PTPRF: variants seen among roughly 807,000 people sequenced by gnomAD.
The protein encoded by PTPRF is protein tyrosine phosphatase receptor type F, also known as receptor-type tyrosine-protein phosphatase F.
PTPRF carries 59 observed loss-of-function variants against 201.8 expected under a neutral mutation model. The observed-to-expected ratio is 0.29, with a 90% CI of 0.24 to 0.36. The LOEUF (loss-of-function observed/expected upper bound fraction) is 0.36. Among genes scored for constraint, PTPRF ranks in the 10% least tolerant of loss-of-function variants. The pLI is 1.00. For missense variants in PTPRF, 2,132 were observed against 2,690.5 expected, an observed-to-expected ratio of 0.79 and a Z score of 4.59; for synonymous variants, 1,088 against 1,089.7, an observed-to-expected ratio of 1.00 and a Z score of 0.03.
chr1:43,564,531 A>T (rs1395214968), intron 5 of PTPRF, among the ~76,000 whole-genome samples: 1 of 151,904 alleles, frequency 6.6e-6, no homozygotes, highest in Non-Finnish European at 1.5e-5. Flanking sequence ...GGTGCTAGTC[A>T]CTGCAGGTGC....
At chr1:43,597,050 T>G (rs1267212230) in intron 11 of PTPRF, among the ~76,000 whole-genome samples, 2 of 151,920 alleles carry the variant, frequency 1.3e-5, no homozygotes, top group Non-Finnish European at 2.9e-5. Context: ...AGACAGCCTA[T>G]GTATGTGACA....
chr1:43,620,900 C>G lies in PTPRF; in HGVS notation c.5427C>G (p.Pro1809=). The G allele has an allele frequency of 6.2e-7, 1 of 1,614,204 alleles. No homozygotes were observed. The highest frequency in any genetic ancestry group is 1.7e-4 in the Middle Eastern group (1 of 6,060). ...QFTDWPEQGV[P]KTGEGFIDFI... ...CAGACTGGCCAGAGCAGGGCGTGCCCAAGACAGGCGAGGGATTCATTGACT... is the reference window on the plus strand; with the variant it reads ...CAGACTGGCCAGAGCAGGGCGTGCCGAAGACAGGCGAGGGATTCATTGACT... Residue 1809 remains proline (P), a synonymous_variant, in exon 32 of 34, where the codon CCC becomes CCG. Transcript: ENST00000359947.
intron 7 of PTPRF, among the ~76,000 whole-genome samples, chr1:43,587,204 G>A (rs1649380668): frequency 6.6e-6 from 1 of 152,206 alleles, no homozygotes; most frequent in South Asian, 2.1e-4. Context: ...GCAGGAGCTT[G>A]TTAAACAGGG....
At chr1:43,539,388 T>C (rs1644222780) in intron 2 of PTPRF, among the ~76,000 whole-genome samples, 1 of 152,126 alleles carries the variant, frequency 6.6e-6, no homozygotes, top group African/African-American at 2.4e-5. Context: ...GGTTGGGCCA[T>C]CCTGAGCCAA....
In PTPRF at chr1:43,597,741, T is replaced by TTCCC; in HGVS notation, c.1814-7_1814-6insTCCC. 1.5e-5 allele frequency: 23 copies of TTCCC among 1,517,936 alleles called. No individual in the cohort carries two copies. The highest frequency in any genetic ancestry group is 3.6e-5 in the South Asian group (3 of 83,652). The allele number at this position is 1,517,936 out of a possible 1,614,324, so 94.0% of individuals were successfully genotyped here. On this transcript the variant is annotated splice_polypyrimidine_tract_variant and splice_region_variant and intron_variant, in intron 11 of 33. Transcript: ENST00000359947. ...CTGCTTGCTTCCCCCCCATTTGTCT[T>TTCCC]CCCCAGCCCCCTCCGCCCCTCCCCA... is the stretch of plus-strand genomic sequence containing the variant.
At chr1:43,578,644 C>A (rs1230853337) in intron 6 of PTPRF, among the ~76,000 whole-genome samples, 166 bp from the exon 7 acceptor site, 2 of 152,198 alleles carry the variant, frequency 1.3e-5, no homozygotes, top group East Asian at 3.9e-4. Context: ...GGCCACTGGG[C>A]TCTTCAGGGA....
rs1644577575 is a variant in PTPRF, at chr1:43,545,086, A to T, written c.11A>T (p.Glu4Val). ...GAGCTAGAGCCCTGGATGGCCCCTGAGCCAGCCCCAGGGAGGACGATGGTG... is the reference window on the plus strand; with the variant it reads ...GAGCTAGAGCCCTGGATGGCCCCTGTGCCAGCCCCAGGGAGGACGATGGTG... MAP[E>V]PAPGRTMVPL... Residue 4 changes from glutamate to valine, a missense_variant, in exon 3 of 34, where the codon GAG becomes GTG. Physicochemically the swap from Glu to Val is moderately radical, Grantham distance 121. This residue lies in a region of PTPRF where 297 missense variants were observed against 454.0 expected (regional missense o/e 0.65). Transcript: ENST00000359947. The T allele has an allele frequency of 1.2e-5, 19 of 1,579,686 alleles. No homozygotes were observed. Among genetic ancestry groups the T allele is most frequent in the Non-Finnish European group, 1.6e-5 (19 of 1,162,410 alleles).
chr1:43,618,929 G>A (rs1396573818), intron 26 of PTPRF, 119 bp from the exon 27 acceptor site: 4 of 1,464,402 alleles, frequency 2.7e-6, no homozygotes, highest in Non-Finnish European at 3.7e-6. Context: ...AGGCTACTCT[G>A]TGTGGCTTCT....
At position 43,617,557 on chromosome 1, in the gene PTPRF, C is replaced by T. The variant is rs761375386; in HGVS notation, c.4184C>T (p.Thr1395Ile). The T allele has an allele frequency of 2.2e-5, 36 of 1,613,902 alleles. No individual in the cohort carries two copies. The highest frequency in any genetic ancestry group is 2.7e-5 in the African/African-American group (2 of 74,918). Reference sequence around the variant, plus strand: ...TACGACCACTCTCGAGTCATCCTTACCTCTATCGATGGTGAGCCAAGGGGG... The same window carrying T: ...TACGACCACTCTCGAGTCATCCTTATCTCTATCGATGGTGAGCCAAGGGGG... ...IAYDHSRVIL[T>I]SIDGVPGSDY... Residue 1395 changes from threonine (T) to isoleucine (I), a missense_variant, in exon 24 of 34, where the codon ACC becomes ATC. This residue lies in a region of PTPRF where 818 missense variants were observed against 915.3 expected (regional missense o/e 0.89). Coordinates refer to ENST00000359947, the MANE Select transcript of PTPRF (RefSeq NM_002840.5).
In PTPRF at chr1:43,553,661, C is replaced by A. The variant is rs1386387258; in HGVS notation, c.237+24C>A. 6.2e-7 allele frequency: 1 copy of A among 1,613,362 alleles called. No individual in the cohort carries two copies. On this transcript the variant is annotated intron_variant, in intron 4 of 33. Transcript: ENST00000359947. The surrounding 1 kb of genome is among the most constrained non-coding windows in gnomAD (Gnocchi z 4.1). Reference sequence around the variant, plus strand: ...AGGTGCGTCTGTGGTGGGAAGGGGTCGGCAGGGCTCAGGGTCTGCCCACAC... The same window carrying A: ...AGGTGCGTCTGTGGTGGGAAGGGGTAGGCAGGGCTCAGGGTCTGCCCACAC...
At chr1:43,597,640 C>T (rs1459135353) in intron 11 of PTPRF, 108 bp from the exon 12 acceptor site, 1 of 867,140 alleles carries the variant, frequency 1.2e-6, no homozygotes, top group Non-Finnish European at 1.8e-6. Flanking sequence ...ATTTCAGCAC[C>T]TAAGGGGTAG....
intron 1 of PTPRF, among the ~76,000 whole-genome samples, chr1:43,533,991 G>C (rs1643865401): frequency 6.6e-6 from 1 of 152,148 alleles, no homozygotes; most frequent in Non-Finnish European, 1.5e-5. Flanking sequence ...TCTGAGTTGG[G>C]TTAGAACATT....
chr1:43,622,024 G>T lies in PTPRF; in HGVS notation c.*21G>T, dbSNP rs369952718. The T allele has an allele frequency of 1.9e-6, 3 of 1,611,648 alleles. No homozygotes were observed. In the South Asian group the frequency reaches 3.3e-5, roughly 18 times the overall value. ...CGTAACTACCGCTCCCCTCTCCTCC[G>T]CCACCCCCGCCGTGGGGCTCCGGAG... On this transcript the variant is annotated 3_prime_UTR_variant, in exon 34 of 34. Coordinates refer to ENST00000359947, the MANE Select transcript of PTPRF (RefSeq NM_002840.5).
At chr1:43,531,267 C>T (rs559570926) in intron 1 of PTPRF, among the ~76,000 whole-genome samples, 177 bp downstream of exon 1, 4 of 149,780 alleles carry the variant, frequency 2.7e-5, no homozygotes, top group Admixed American at 2.6e-4. Context: ...CGAAGCCCCC[C>T]CTCCACGCCC....
At position 43,612,602 on chromosome 1, in the gene PTPRF, C is replaced by T. The variant is rs542702618; in HGVS notation, c.3974-1016C>T. On this transcript the variant is annotated intron_variant, in intron 22 of 33. Transcript: ENST00000359947. Reference sequence around the variant, plus strand: ...AGAAGGAGCCTTGACGGAACTTGTCCGCAGCCCCAGCCCCTCACCGCCCCC... The same window carrying T: ...AGAAGGAGCCTTGACGGAACTTGTCTGCAGCCCCAGCCCCTCACCGCCCCC... 2.9e-3 allele frequency among the ~76,000 whole-genome samples: 442 copies of T among 152,204 alleles called. 2 individuals carry two copies. The highest frequency in any genetic ancestry group is 8.8e-3 in the African/African-American group (366 of 41,516).
At chr1:43,552,271 G>A (rs955733917) in intron 3 of PTPRF, among the ~76,000 whole-genome samples, 1 of 152,008 alleles carries the variant, frequency 6.6e-6, no homozygotes, top group East Asian at 1.9e-4. Flanking sequence ...CACTGACTCT[G>A]TTCTTGTCAA....
chr1:43,606,983 C>T lies in PTPRF; in HGVS notation c.3857+15C>T, dbSNP rs1426606810. On this transcript the variant is annotated intron_variant, in intron 21 of 33. Transcript: ENST00000359947. ...TTGTTCAAAAGGTGAGCACTGCCCT[C>T]AGAGCTCCGGGAACGGCCACCTGCC... 6.2e-6 allele frequency: 10 copies of T among 1,612,186 alleles called. No individual in the cohort carries two copies. The highest frequency in any genetic ancestry group is 1.3e-5 in the African/African-American group (1 of 74,922).
chr1:43,609,795 A>G (rs1194031880), intron 22 of PTPRF, among the ~76,000 whole-genome samples: 2 of 152,214 alleles, frequency 1.3e-5, no homozygotes, highest in Non-Finnish European at 2.9e-5. Context: ...AGGACCTCCC[A>G]GAGCCCACGT....
chr1:43,584,486 C>T (rs1487436077), intron 7 of PTPRF, among the ~76,000 whole-genome samples: 3 of 152,224 alleles, frequency 2.0e-5, no homozygotes, highest in African/African-American at 7.2e-5. Flanking sequence ...AGAGACAGCC[C>T]AGCCCAGAGT....
Sources: allele counts gnomAD v4.1 joint callset (sites outside exome capture counted in the v4.1 genomes callset), GRCh38; gene constraint gnomAD v4.1.1; regional missense constraint gnomAD v4.1.1; non-coding constraint Gnocchi (gnomAD v3.1); transcripts MANE v1.5; gene names NCBI Gene and HGNC (gene_info 2026-07-23, HGNC 2026-07-21).